The following OPRM1 variants were observed in gnomAD, a reference collection of about 807,000 sequenced individuals.
OPRM1 encodes the protein opioid receptor mu 1, also known as mu-type opioid receptor.
Under a neutral mutation model 31.8 loss-of-function variants are expected in OPRM1, and 27 were observed. The ratio of observed to expected loss-of-function variants is 0.85; its 90% confidence interval spans 0.63 to 1.17. The LOEUF (loss-of-function observed/expected upper bound fraction) is 1.17, where lower values mean the gene tolerates loss of function less well. Among genes scored for constraint, OPRM1 ranks in the 50% most tolerant of loss-of-function variants. The pLI is 0.00. For synonymous variants in OPRM1, 196 were observed against 189.9 expected (o/e 1.03, Z -0.26); for missense variants, 536 against 511.1 (o/e 1.05, Z -0.47).
At chr6:154,239,778 A>T (rs1780432382) in intron 3 of OPRM1, among the ~76,000 whole-genome samples, 1 of 152,194 alleles carries the variant, frequency 6.6e-6, no homozygotes, top group Non-Finnish European at 1.5e-5. Flanking sequence ...ATCTCGGCTA[A>T]CTGCAACCTC....
chr6:154,121,270 G>A lies in OPRM1; in HGVS notation c.*2549G>A, dbSNP rs1287326009. Among the ~76,000 whole-genome samples the A allele has an allele frequency of 1.3e-5, 2 of 152,144 alleles. No individual in the cohort carries two copies. The highest frequency in any genetic ancestry group is 4.8e-5 in the African/African-American group (2 of 41,430). ...TGCTGTGGAAATTCTAGCTTATTGT[G>A]TTCCAAGTAGTTAGTGGTTTTTCTC... On this transcript the variant is annotated 3_prime_UTR_variant, in exon 4 of 4. Transcript: ENST00000330432.
intron 1 of OPRM1, among the ~76,000 whole-genome samples, chr6:154,053,796 G>C (rs772862078): frequency 6.6e-6 from 1 of 152,174 alleles, no homozygotes; most frequent in Non-Finnish European, 1.5e-5. Context: ...GAAAAAGTTC[G>C]CAAGAAGAGT....
chr6:154,141,037 C>T (rs1798193505), intron 3 of OPRM1, among the ~76,000 whole-genome samples: 1 of 152,316 alleles, frequency 6.6e-6, no homozygotes, highest in South Asian at 2.1e-4. Flanking sequence ...ATGTTCACTC[C>T]TTGGTGGTCT....
At chr6:154,099,626 T>C (rs1291313915) in intron 3 of OPRM1, among the ~76,000 whole-genome samples, 1 of 141,478 alleles carries the variant, frequency 7.1e-6, no homozygotes. Context: ...ATAAAGATCA[T>C]ACACATATAT....
intron 1 of OPRM1, among the ~76,000 whole-genome samples, chr6:154,063,907 TGG>T (rs1784864381): frequency 1.3e-5 from 2 of 152,100 alleles, no homozygotes; most frequent in Non-Finnish European, 1.5e-5. Context: ...ATCTATTGAG[TGG>T]TTACATCTAT....
intron 3 of OPRM1, among the ~76,000 whole-genome samples, chr6:154,202,918 A>G (rs1050318229): frequency 6.6e-6 from 1 of 152,228 alleles, no homozygotes; most frequent in African/African-American, 2.4e-5. Flanking sequence ...GAAAATGAGA[A>G]AGTGACTACA....
chr6:154,095,368 TG>T (rs1304207944), intron 3 of OPRM1, among the ~76,000 whole-genome samples: 3 of 152,178 alleles, frequency 2.0e-5, no homozygotes, highest in Non-Finnish European at 2.9e-5. Context: ...GTTGAATAAA[TG>T]ATGAGAGGGC....
chr6:154,106,808 T>C (rs1439608623), intron 3 of OPRM1, among the ~76,000 whole-genome samples: 1 of 152,190 alleles, frequency 6.6e-6, no homozygotes, highest in African/African-American at 2.4e-5. Context: ...GGTAGGTAGA[T>C]TGAACAATTT....
At chr6:154,044,362 T>C (rs1780682812) in intron 1 of OPRM1, among the ~76,000 whole-genome samples, 1 of 152,178 alleles carries the variant, frequency 6.6e-6, no homozygotes. Flanking sequence ...CCATATCATA[T>C]GTTTAAGCTT....
chr6:154,192,318 C>CTGTGTGTGTGTGTGTGTGTGTG (rs56231733), intron 3 of OPRM1, among the ~76,000 whole-genome samples: 2 of 148,026 alleles, frequency 1.4e-5, no homozygotes, highest in African/African-American at 5.0e-5. Context: ...CACGTGGTTA[C>CTGTGTGTGTGTGTGTGTGTGTG]TGTGTGTGTG....
intron 3 of OPRM1, among the ~76,000 whole-genome samples, chr6:154,187,034 A>T (rs1196111617): frequency 6.7e-6 from 1 of 149,982 alleles, no homozygotes; most frequent in Non-Finnish European, 1.5e-5. Context: ...CACGCCCTCC[A>T]CTCTACACAC....
intron 3 of OPRM1, among the ~76,000 whole-genome samples, chr6:154,174,484 A>G (rs781508946): frequency 4.6e-5 from 7 of 152,324 alleles, no homozygotes; most frequent in Non-Finnish European, 1.0e-4. Flanking sequence ...AGATCTATCA[A>G]GCAAATGGAA....
intron 3 of OPRM1, among the ~76,000 whole-genome samples, chr6:154,179,502 C>A (rs1218648800): frequency 6.6e-6 from 1 of 152,138 alleles, no homozygotes; most frequent in Admixed American, 6.6e-5. Context: ...TATTTCCGCC[C>A]CCCCTTATCT....
chr6:154,220,865 A>G (rs957404988), intron 3 of OPRM1, among the ~76,000 whole-genome samples: 3 of 152,258 alleles, frequency 2.0e-5, no homozygotes, highest in Non-Finnish European at 4.4e-5. Flanking sequence ...TACGTGAATC[A>G]TCACGATAAT....
chr6:154,061,567 G>A (rs1443095285), intron 1 of OPRM1, among the ~76,000 whole-genome samples: 5 of 152,132 alleles, frequency 3.3e-5, no homozygotes, highest in African/African-American at 7.2e-5. Flanking sequence ...ATGTATGCAG[G>A]AACAGAAAAC....
At chr6:154,242,150 T>A (rs1780648915) in intron 3 of OPRM1, among the ~76,000 whole-genome samples, 1 of 152,214 alleles carries the variant, frequency 6.6e-6, no homozygotes, top group Non-Finnish European at 1.5e-5. Context: ...TTTTCATTCC[T>A]TTGTTCCCAT....
Position 154,119,542 on chromosome 6 carries a change from C to G in OPRM1, c.*821C>G. On this transcript the variant is annotated 3_prime_UTR_variant, in exon 4 of 4. Coordinates refer to ENST00000330432, the MANE Select transcript of OPRM1 (RefSeq NM_000914.5). ...CAATGAGCTCATCACTTCATCCATG[C>G]AGGAAGTCAAGCATTAAAATGTACT... 1.7e-6 allele frequency: 1 copy of G among 597,736 alleles called. No homozygotes were observed. The highest frequency in any genetic ancestry group is 2.1e-6 in the Non-Finnish European group (1 of 475,974). 37.0% of individuals were successfully genotyped at this position (597,736 alleles called of 1,614,324 possible).
intron 3 of OPRM1, among the ~76,000 whole-genome samples, chr6:154,192,159 T>C (rs1394561551): frequency 6.6e-6 from 1 of 152,238 alleles, no homozygotes; most frequent in Non-Finnish European, 1.5e-5. Context: ...GATGTATGCC[T>C]ATCTTCAACT....
intron 3 of OPRM1, chr6:154,110,248 A>T (rs1316321517): frequency 3.0e-5 from 18 of 596,386 alleles, no homozygotes; most frequent in Non-Finnish European, 4.7e-5. Flanking sequence ...ACAAGAAAAA[A>T]ATCTATGTAC....
Sources: allele counts gnomAD v4.1 joint callset (sites outside exome capture counted in the v4.1 genomes callset), GRCh38; gene constraint gnomAD v4.1.1; transcripts MANE v1.5; gene names NCBI Gene and HGNC (gene_info 2026-07-23, HGNC 2026-07-21).